Variants in EDNRB observed in about 807,000 individuals in gnomAD.
EDNRB encodes Hirschsprung disease 2.
A neutral mutation model predicts 46.4 loss-of-function variants in EDNRB; 18 were observed. That is an observed-to-expected ratio of 0.39 (90% CI 0.27 to 0.57). The LOEUF (loss-of-function observed/expected upper bound fraction) is 0.57, where lower values mean the gene tolerates loss of function less well. Ranked by LOEUF, EDNRB falls within the 20% of genes least tolerant of loss-of-function variation. The pLI, the probability that EDNRB is intolerant of heterozygous loss-of-function variation, is 0.61. For synonymous variants in EDNRB, 213 were observed against 204.9 expected, an observed-to-expected ratio of 1.04 and a Z score of -0.34; for missense variants, 434 against 537.5, an observed-to-expected ratio of 0.81 and a Z score of 1.90.
At chr13:77,917,773 T>G (rs559442534) in intron 1 of EDNRB, among the ~76,000 whole-genome samples, 1 of 152,212 alleles carries the variant, frequency 6.6e-6, no homozygotes, top group Non-Finnish European at 1.5e-5. Context: ...TCAGTAGGTC[T>G]GGGGTGAGGC....
At chr13:77,959,689 G>A (rs1489911510) in intron 1 of EDNRB, among the ~76,000 whole-genome samples, 1 of 152,248 alleles carries the variant, frequency 6.6e-6, no homozygotes, top group African/African-American at 2.4e-5. Context: ...AAGCTGGATG[G>A]AGAATAACTT....
chr13:77,956,837 ACT>A (rs1881255681), intron 1 of EDNRB, among the ~76,000 whole-genome samples: 1 of 152,212 alleles, frequency 6.6e-6, no homozygotes, highest in African/African-American at 2.4e-5. Flanking sequence ...AAGCCACATC[ACT>A]ATGACATTGT....
chr13:77,924,737 T>G (rs1421144145), upstream of EDNRB, among the ~76,000 whole-genome samples: 1 of 152,198 alleles, frequency 6.6e-6, no homozygotes, highest in African/African-American at 2.4e-5. Flanking sequence ...TCCCATGTAT[T>G]GTGGGAGGGA....
At chr13:77,967,779 C>A (rs147500942) in intron 1 of EDNRB, among the ~76,000 whole-genome samples, 12 of 152,270 alleles carry the variant, frequency 7.9e-5, no homozygotes, top group Middle Eastern at 3.4e-3. Flanking sequence ...TTCCATTATG[C>A]CTTGATATTT....
intron 1 of EDNRB, among the ~76,000 whole-genome samples, chr13:77,911,007 G>A (rs148197671): frequency 2.4e-3 from 363 of 152,064 alleles, no homozygotes; most frequent in Admixed American, 4.5e-3. Context: ...TTCTGAGTCT[G>A]TAACAGGCCA....
intron 1 of EDNRB, among the ~76,000 whole-genome samples, chr13:77,910,335 G>A (rs1375357901): frequency 6.6e-6 from 1 of 151,980 alleles, no homozygotes; most frequent in African/African-American, 2.4e-5. Flanking sequence ...TGGAATGGCT[G>A]CATTTCACAA....
At chr13:77,908,957 T>C (rs1879430591) in intron 1 of EDNRB, among the ~76,000 whole-genome samples, 1 of 152,048 alleles carries the variant, frequency 6.6e-6, no homozygotes, top group Admixed American at 6.6e-5. Flanking sequence ...CATATCATGA[T>C]GTCTCATCTA....
chr13:77,908,317 C>T (rs1879393838), intron 1 of EDNRB, among the ~76,000 whole-genome samples: 1 of 151,612 alleles, frequency 6.6e-6, no homozygotes, highest in African/African-American at 2.4e-5. Flanking sequence ...TGATGCTCAT[C>T]TCTGTCATCT....
At chr13:77,961,807 T>A (rs9544648) in intron 1 of EDNRB, among the ~76,000 whole-genome samples, 9,722 of 152,024 alleles carry the variant, frequency 0.064, 392 homozygotes, top group Middle Eastern at 0.13. Context: ...GATAGAGACA[T>A]GAAAAACCCT....
intron 1 of EDNRB, among the ~76,000 whole-genome samples, chr13:77,903,930 G>A (rs1173196994): frequency 2.0e-5 from 3 of 151,912 alleles, no homozygotes; most frequent in Non-Finnish European, 4.4e-5. Context: ...TACTGTCATG[G>A]AGTCTGAAAT....
At chr13:77,965,854 A>T (rs1409253694) in intron 1 of EDNRB, among the ~76,000 whole-genome samples, 2 of 151,874 alleles carry the variant, frequency 1.3e-5, no homozygotes, top group Non-Finnish European at 2.9e-5. Flanking sequence ...TCTTAATTAT[A>T]ATTTTTATTT....
At position 77,898,240 on chromosome 13, in the gene EDNRB, T is replaced by A. The variant is rs1878736000; in HGVS notation, c.1289A>T (p.Tyr430Phe). ...TTTATTACTGGAACGGAAGTTGTCA[T>A]ATCCGTGATCATTAGCTTTGAACTT... Reference protein sequence around the residue: ...CLKFKANDHGYDNFRSSNKYS... With the variant: ...CLKFKANDHGFDNFRSSNKYS... The change falls in exon 7 of 7, where the codon TAT becomes TTT. Residue 430 changes from tyrosine (Y) to phenylalanine (F), a missense_variant. Tyr to Phe is a conservative substitution (Grantham distance 22, BLOSUM62 3). Coordinates refer to ENST00000646607, the MANE Select transcript of EDNRB (RefSeq NM_001122659.3). 6.2e-7 allele frequency: 1 copy of A among 1,611,976 alleles called. No individual in the cohort carries two copies. Among genetic ancestry groups the A allele is most frequent in the South Asian group, 1.1e-5 (1 of 91,056 alleles).
intron 1 of EDNRB, among the ~76,000 whole-genome samples, chr13:77,949,024 A>C (rs1425887057): frequency 1.3e-5 from 2 of 152,252 alleles, no homozygotes; most frequent in African/African-American, 4.8e-5. Flanking sequence ...CACATCTCAA[A>C]AATTAACAAA....
upstream of EDNRB, chr13:77,919,662 AC>A: frequency 6.6e-7 from 1 of 1,524,120 alleles, no homozygotes; most frequent in East Asian, 2.4e-5. Context: ...GCGCCTTCCG[AC>A]CCCGCTGCAA....
At chr13:77,972,349 T>C (rs1270148922) in intron 1 of EDNRB, among the ~76,000 whole-genome samples, 5 of 152,248 alleles carry the variant, frequency 3.3e-5, no homozygotes, top group Admixed American at 6.5e-5. Flanking sequence ...GGCATTTGCA[T>C]CTTGGTATCC....
intron 1 of EDNRB, among the ~76,000 whole-genome samples, chr13:77,905,869 A>C (rs1879248644): frequency 6.6e-6 from 1 of 151,998 alleles, no homozygotes; most frequent in African/African-American, 2.4e-5. Context: ...GCCCAAATGC[A>C]TGGAAAATGA....
At chr13:77,947,296 T>G (rs888853345) in intron 1 of EDNRB, among the ~76,000 whole-genome samples, 2 of 151,710 alleles carry the variant, frequency 1.3e-5, no homozygotes, top group Non-Finnish European at 2.9e-5. Context: ...AACATCTGTT[T>G]TTTTTTTTTT....
chr13:77,920,688 T>C (rs755913535), upstream of EDNRB, among the ~76,000 whole-genome samples: 2 of 152,228 alleles, frequency 1.3e-5, no homozygotes, highest in African/African-American at 4.8e-5. Context: ...AAATATGGTC[T>C]AGGGTTGTGA....
intron 1 of EDNRB, among the ~76,000 whole-genome samples, chr13:77,935,612 TTA>T (rs973122366): frequency 2.6e-5 from 4 of 152,228 alleles, no homozygotes; most frequent in Non-Finnish European, 5.9e-5. Flanking sequence ...ATGTGTGTGT[TTA>T]TGAGAATTAC....
Sources: gnomAD v4.1 joint callset for allele counts (sites outside exome capture counted in the v4.1 genomes callset) on GRCh38, gnomAD v4.1.1 for gene constraint, MANE v1.5 for transcripts, NCBI Gene and HGNC (gene_info 2026-07-23, HGNC 2026-07-21) for gene names.